SMC1A: variants seen among roughly 807,000 people sequenced by gnomAD.
SMC1A encodes structural maintenance of chromosomes 1A, also known as structural maintenance of chromosomes protein 1A.
SMC1A carries 4 observed loss-of-function variants against 94.5 expected under a neutral mutation model. The observed-to-expected ratio is 0.04, with a 90% CI of 0.02 to 0.10. The LOEUF is 0.10. Ranked by LOEUF, SMC1A falls within the 10% of genes least tolerant of loss-of-function variation. The pLI is 1.00. For missense variants in SMC1A, 304 were observed against 989.0 expected (o/e 0.31, Z 9.29); for synonymous variants, 345 against 347.7 (o/e 0.99, Z 0.09).
Position 53,409,522 on chromosome X carries a change from A to G in SMC1A, c.1255-19T>C. ...TCTTGGCCTGGGAAACAAACATTCCATCATCAGGGGCTGCACGAGTTTACG... is the reference window on the plus strand; with the variant it reads ...TCTTGGCCTGGGAAACAAACATTCCGTCATCAGGGGCTGCACGAGTTTACG... On this transcript the variant is annotated intron_variant, in intron 7 of 24. Transcript: ENST00000322213. 8.5e-7 allele frequency: 1 copy of G among 1,177,883 alleles called. No homozygotes were observed. The highest frequency in any genetic ancestry group is 1.2e-6 in the Non-Finnish European group (1 of 864,803).
At chrX:53,408,022 C>A (rs1353494123) in intron 9 of SMC1A, among the ~76,000 whole-genome samples, 2 of 111,490 alleles carry the variant, frequency 1.8e-5, no homozygotes, top group African/African-American at 6.5e-5. Flanking sequence ...TTCAAATTCT[C>A]ACAAGCACTT....
Position 53,375,946 on chromosome X carries a change from G to A in SMC1A, c.*4157C>T, listed in dbSNP as rs1334648123. 1 of 112,295 alleles carries A rather than the reference G, an allele frequency of 8.9e-6. No individual in the cohort carries two copies. Among genetic ancestry groups the A allele is most frequent in the African/African-American group, 3.2e-5 (1 of 30,795 alleles). 9.3% of individuals were successfully genotyped at this position (112,295 alleles called of 1,213,427 possible). On this transcript the variant is annotated 3_prime_UTR_variant, in exon 25 of 25. Transcript: ENST00000322213. ...TTTTTCCAGTCTCCTAGCTAATCTT[G>A]TCATCTCCATTCGCTCTCTCACAAA... is the stretch of plus-strand genomic sequence containing the variant.
intron 1 of SMC1A, among the ~76,000 whole-genome samples, chrX:53,419,040 CAAAAAA>C: frequency 2.7e-5 from 1 of 36,741 alleles, no homozygotes; most frequent in South Asian, 1.9e-3. Flanking sequence ...GACTCTGTCT[CAAAAAA>C]AAAAAAAAAA....
chrX:53,388,210 A>T (rs896167213), intron 19 of SMC1A, among the ~76,000 whole-genome samples: 4 of 111,440 alleles, frequency 3.6e-5, no homozygotes, highest in Non-Finnish European at 7.5e-5. Flanking sequence ...CGTAGCCACA[A>T]CAAACAAGCG....
chrX:53,382,366 C>T lies in SMC1A; in HGVS notation c.3303G>A (p.Glu1101=). 8.3e-7 allele frequency: 1 copy of T among 1,208,506 alleles called. No individual in the cohort carries two copies. The highest frequency in any genetic ancestry group is 1.1e-6 in the Non-Finnish European group (1 of 893,831). The change falls in exon 22 of 25, where the codon GAG becomes GAA. Residue 1101 remains glutamate (E), a synonymous_variant. Coordinates refer to ENST00000322213, the MANE Select transcript of SMC1A (RefSeq NM_006306.4). ...CATCCAAGTAGGGCTCTTCAGGGTTCTCAGGGCCCAGGAATGCCTAGGGGA... is the reference window on the plus strand; with the variant it reads ...CATCCAAGTAGGGCTCTTCAGGGTTTTCAGGGCCCAGGAATGCCTAGGGGA... ...NSSAQAFLGP[E]NPEEPYLDGI...
At chrX:53,394,731 T>TGGCCC in intron 19 of SMC1A, 47 bp downstream of exon 19, 1 of 416,232 alleles carries the variant, frequency 2.4e-6, no homozygotes. Flanking sequence ...ATAGTCCCAC[T>TGGCCC]CCCACCCAAC....
chrX:53,413,148 CAG>C lies in SMC1A; in HGVS notation c.616-12_616-11del, dbSNP rs1556890789. 8 of 1,211,946 alleles carry C rather than the reference CAG, an allele frequency of 6.6e-6. No individual in the cohort carries two copies. In the South Asian group the frequency reaches 1.2e-4, roughly 19 times the overall value. ...GCTGGTACCGGTCAGCCTGTGCAAA[CAG>C]GGGAATGGTGGCAGGGGTGCATCGA... On this transcript the variant is annotated splice_polypyrimidine_tract_variant and intron_variant, in intron 4 of 24. Transcript: ENST00000322213.
Position 53,380,741 on chromosome X carries a change from G to C in SMC1A, c.3508-11C>G. ...GATGTAATTTGCCACCTGTGGGAAAGGCCGCCAGGCACTTAGCAAGGCTCA... is the reference window on the plus strand; with the variant it reads ...GATGTAATTTGCCACCTGTGGGAAACGCCGCCAGGCACTTAGCAAGGCTCA... On this transcript the variant is annotated splice_polypyrimidine_tract_variant and intron_variant, in intron 23 of 24. Transcript: ENST00000322213. The C allele has an allele frequency of 8.8e-7, 1 of 1,133,067 alleles. No individual in the cohort carries two copies. 93.4% of individuals were successfully genotyped at this position (1,133,067 alleles called of 1,213,427 possible). A position where few individuals can be genotyped will look rare whatever the true frequency, so the allele number is the denominator to read the frequency against.
rs1023009317 is a variant in SMC1A, at chrX:53,379,448, G to A, written c.*655C>T. 8.9e-6 allele frequency: 1 copy of A among 112,779 alleles called. No homozygotes were observed. Among genetic ancestry groups the A allele is most frequent in the Non-Finnish European group, 1.9e-5 (1 of 53,757 alleles). The allele number at this position is 112,779 out of a possible 1,213,427, so 9.3% of individuals were successfully genotyped here. Reference sequence around the variant, plus strand: ...AACTATAGTCATTCATGAACCCACTGTATCTCCTTACTAGGAGGGTAGAGA... The same window carrying A: ...AACTATAGTCATTCATGAACCCACTATATCTCCTTACTAGGAGGGTAGAGA... On this transcript the variant is annotated 3_prime_UTR_variant, in exon 25 of 25. Coordinates refer to ENST00000322213, the MANE Select transcript of SMC1A (RefSeq NM_006306.4).
chrX:53,399,527 C>T (rs1037211043), intron 16 of SMC1A, 62 bp downstream of exon 16: 25 of 1,055,139 alleles, frequency 2.4e-5, no homozygotes, highest in African/African-American at 1.8e-4. Context: ...TTCTGTCTGT[C>T]GTATTTCTTC....
At chrX:53,400,735 G>A (rs2146596045) in intron 15 of SMC1A, among the ~76,000 whole-genome samples, 1 of 111,582 alleles carries the variant, frequency 9.0e-6, no homozygotes, top group African/African-American at 3.3e-5. Context: ...CACAGGCACT[G>A]GCAGGCCAGG....
At position 53,380,050 on chromosome X, in the gene SMC1A, T is replaced by G; in HGVS notation, c.*53A>C. The G allele has an allele frequency of 1.1e-6, 1 of 878,975 alleles. No homozygotes were observed. Among genetic ancestry groups the G allele is most frequent in the Non-Finnish European group, 1.7e-6 (1 of 595,540 alleles). 72.4% of individuals were successfully genotyped at this position (878,975 alleles called of 1,213,427 possible). On this transcript the variant is annotated 3_prime_UTR_variant, in exon 25 of 25. Coordinates refer to ENST00000322213, the MANE Select transcript of SMC1A (RefSeq NM_006306.4). Reference sequence around the variant, plus strand: ...AGGTTGGGAGTCAAATATCCAGAGATTGGGAGAGGGACAGCTTAGGGATCC... The same window carrying G: ...AGGTTGGGAGTCAAATATCCAGAGAGTGGGAGAGGGACAGCTTAGGGATCC...
intron 22 of SMC1A, chrX:53,381,855 AG>A (rs1418231683): frequency 3.6e-6 from 1 of 278,117 alleles, no homozygotes; most frequent in African/African-American, 2.7e-5. Flanking sequence ...GGGGAAGGTC[AG>A]GGTATGCCAC....
In SMC1A at chrX:53,383,358, C is replaced by T. The variant is rs1419078066; in HGVS notation, c.2974-105G>A. ...TGTGGCCTGGGCGCCTGCTCCTATACGGAGGGCAGGTTCTTCTTCTCCAGC... is the reference window on the plus strand; with the variant it reads ...TGTGGCCTGGGCGCCTGCTCCTATATGGAGGGCAGGTTCTTCTTCTCCAGC... On this transcript the variant is annotated intron_variant, in intron 19 of 24. Coordinates refer to ENST00000322213, the MANE Select transcript of SMC1A (RefSeq NM_006306.4). 1.4e-5 allele frequency: 11 copies of T among 782,877 alleles called. No homozygotes were observed. The South Asian group carries it at 1.9e-4, about 13-fold the overall frequency. The allele number at this position is 782,877 out of a possible 1,213,427, so 64.5% of individuals were successfully genotyped here. A position where few individuals can be genotyped will look rare whatever the true frequency, so the allele number is the denominator to read the frequency against.
intron 15 of SMC1A, among the ~76,000 whole-genome samples, chrX:53,400,678 T>C (rs1219008332): frequency 3.6e-5 from 4 of 111,038 alleles, no homozygotes; most frequent in Non-Finnish European, 7.5e-5. Context: ...CCTGCTATTG[T>C]CCTCCTCTCC....
Position 53,405,395 on chromosome X carries a change from C to A in SMC1A, c.1912-4G>T, listed in dbSNP as rs2075687357. 1 of 1,211,689 alleles carries A rather than the reference C, an allele frequency of 8.3e-7. No homozygotes were observed. Among genetic ancestry groups the A allele is most frequent in the Non-Finnish European group, 1.1e-6 (1 of 895,438 alleles). On this transcript the variant is annotated splice_polypyrimidine_tract_variant and splice_region_variant and intron_variant, in intron 11 of 24. Coordinates refer to ENST00000322213, the MANE Select transcript of SMC1A (RefSeq NM_006306.4). ...GGGTTCCATCCAGTGCCACTGTCTA[C>A]ACACAGCAGGGGGAAGAGAGAAGAG...
chrX:53,394,585 G>A (rs1466390302), intron 19 of SMC1A, among the ~76,000 whole-genome samples, 193 bp downstream of exon 19: 1 of 111,049 alleles, frequency 9.0e-6, no homozygotes, highest in East Asian at 2.8e-4. Flanking sequence ...ATGTGCATAT[G>A]TCTGTTTGAA....
intron 19 of SMC1A, among the ~76,000 whole-genome samples, chrX:53,385,989 A>G (rs1343255046): frequency 2.7e-5 from 3 of 111,924 alleles, no homozygotes; most frequent in African/African-American, 6.5e-5. Context: ...AGCAACTGAC[A>G]CTTTAACTGA....
chrX:53,399,729 A>G lies in SMC1A; in HGVS notation c.2422T>C (p.Leu808=), dbSNP rs1556888590. Residue 808 remains leucine (L), a splice_region_variant and synonymous_variant, in exon 16 of 25, where the codon TTG becomes CTG. Transcript: ENST00000322213. ...KRQNEIAKKR[L]EFENQKTRLG... ...CGAGTCTTCTGATTCTCAAACTCCA[A>G]ACTGTGTATAAAGGTGGGGGGAGAA... The G allele has an allele frequency of 1.2e-5, 15 of 1,205,407 alleles. No homozygotes were observed. Among genetic ancestry groups the G allele is most frequent in the Non-Finnish European group, 1.7e-5 (15 of 891,980 alleles).
Sources: allele counts gnomAD v4.1 joint callset (sites outside exome capture counted in the v4.1 genomes callset), GRCh38; gene constraint gnomAD v4.1.1; transcripts MANE v1.5; gene names NCBI Gene and HGNC (gene_info 2026-07-23, HGNC 2026-07-21).